Variants in SLC7A9 observed in about 807,000 individuals in gnomAD.
SLC7A9 encodes solute carrier family 7 member 9.
Under a neutral mutation model 54.1 loss-of-function variants are expected in SLC7A9, and 38 were observed. The ratio of observed to expected loss-of-function variants is 0.70; its 90% confidence interval spans 0.54 to 0.92. SLC7A9 has a LOEUF of 0.92. Among genes scored for constraint, SLC7A9 ranks in the 40% least tolerant of loss-of-function variants. The pLI is 0.00. For synonymous variants in SLC7A9, 264 were observed against 258.9 expected, an observed-to-expected ratio of 1.02 and a Z score of -0.19; for missense variants, 537 against 636.1, an observed-to-expected ratio of 0.84 and a Z score of 1.68.
Position 32,864,202 on chromosome 19 carries a change from G to A in SLC7A9, c.372C>T (p.Ser124=). 6.2e-7 allele frequency: 1 copy of A among 1,614,236 alleles called. No homozygotes were observed. Among genetic ancestry groups the A allele is most frequent in the East Asian group, 2.2e-5 (1 of 44,882 alleles). ...WASLIVIKPT[S]FAIICLSFSE... ...AGAAGCTGAGGCAGATGATGGCGAA[G>A]GACGTGGGCTTAATGACGATCAGGC... is the stretch of plus-strand genomic sequence containing the variant. The change falls in exon 4 of 13, where the codon TCC becomes TCT. Residue 124 remains serine (S), a synonymous_variant. Coordinates refer to ENST00000023064, the MANE Select transcript of SLC7A9 (RefSeq NM_014270.5).
chr19:32,834,206 C>G (rs143939628), intron 11 of SLC7A9, among the ~76,000 whole-genome samples: 1 of 152,318 alleles, frequency 6.6e-6, no homozygotes, highest in East Asian at 1.9e-4. Flanking sequence ...CTTCAAAAGC[C>G]TCTTTGTTTT....
chr19:32,836,677 G>A (rs1051876968), intron 11 of SLC7A9, among the ~76,000 whole-genome samples: 1 of 152,150 alleles, frequency 6.6e-6, no homozygotes, highest in South Asian at 2.1e-4. Flanking sequence ...GCTGCGTCCA[G>A]ATCTGTCTTG....
chr19:32,868,720 CCA>C, intron 1 of SLC7A9, 75 bp from the exon 2 acceptor site: 1 of 661,756 alleles, frequency 1.5e-6, no homozygotes, highest in Non-Finnish European at 2.8e-6. Context: ...GCGCTGGGCC[CCA>C]GAGTCAAAGT....
intron 9 of SLC7A9, among the ~76,000 whole-genome samples, chr19:32,852,280 C>T (rs1182557828): frequency 2.0e-5 from 3 of 151,930 alleles, no homozygotes; most frequent in Non-Finnish European, 4.4e-5. Context: ...TGCTTGAGGC[C>T]GGGAGTTTGA....
At position 32,833,002 on chromosome 19, in the gene SLC7A9, A is replaced by T. The variant is rs1967849863; in HGVS notation, c.1399+147T>A. 1.3e-5 allele frequency: 10 copies of T among 796,198 alleles called. No homozygotes were observed. In the South Asian group the frequency reaches 1.3e-4, roughly 10 times the overall value. The allele number at this position is 796,198 out of a possible 1,614,324, so 49.3% of individuals were successfully genotyped here. ...AGGGTGGACCCAGAGGTGTACAGTG[A>T]GGGCGTGGGCATGTGTCCTCCTGGG... On this transcript the variant is annotated intron_variant, in intron 12 of 12. Transcript: ENST00000023064.
intron 11 of SLC7A9, among the ~76,000 whole-genome samples, chr19:32,834,459 G>T (rs1484401706): frequency 6.6e-6 from 1 of 151,996 alleles, no homozygotes; most frequent in African/African-American, 2.4e-5. Flanking sequence ...GTGAAACCCC[G>T]TCTCTACTAA....
intron 11 of SLC7A9, among the ~76,000 whole-genome samples, chr19:32,838,436 A>G (rs1968026376): frequency 6.7e-6 from 1 of 149,122 alleles, no homozygotes; most frequent in African/African-American, 2.4e-5. Context: ...TATATTCTGT[A>G]TAATATATGT....
rs377500452 is a variant in SLC7A9, at chr19:32,864,644, C to G, written c.220G>C (p.Val74Leu). 1.9e-6 allele frequency: 3 copies of G among 1,613,726 alleles called. No individual in the cohort carries two copies. Among genetic ancestry groups the G allele is most frequent in the Non-Finnish European group, 2.5e-6 (3 of 1,180,014 alleles). ...GTCTCTTTACCCAGCGTCGCGAGGA[C>G]CCCGCAAGCCGCCCATATGATGAGG... is the stretch of plus-strand genomic sequence containing the variant. Reference protein sequence around the residue: ...PCLIIWAACGVLATLGALCFA... With the variant: ...PCLIIWAACGLLATLGALCFA... The change falls in exon 3 of 13, where the codon GTC (valine) becomes CTC (leucine). Residue 74 changes from valine to leucine, a missense_variant. Val to Leu is a conservative substitution (Grantham distance 32, BLOSUM62 1). Coordinates refer to ENST00000023064, the MANE Select transcript of SLC7A9 (RefSeq NM_014270.5).
rs1191768077 is a variant in SLC7A9, at chr19:32,868,113, C to T, written c.87+335G>A. 2.7e-5 allele frequency among the ~76,000 whole-genome samples: 4 copies of T among 150,880 alleles called. No homozygotes were observed. In the East Asian group the frequency reaches 7.8e-4, roughly 30 times the overall value. ...GGGTATGGTGGCGGGTGCTTGTAATCCCAGCTACTCGGGAGGCTGAGTCAG... is the reference window on the plus strand; with the variant it reads ...GGGTATGGTGGCGGGTGCTTGTAATTCCAGCTACTCGGGAGGCTGAGTCAG... On this transcript the variant is annotated intron_variant, in intron 2 of 12. Transcript: ENST00000023064.
intron 9 of SLC7A9, among the ~76,000 whole-genome samples, chr19:32,850,218 A>T (rs1187752914): frequency 2.0e-5 from 3 of 150,520 alleles, no homozygotes; most frequent in South Asian, 2.1e-4. Flanking sequence ...AAGATATTCA[A>T]TTAGGAAAAG....
chr19:32,833,474 T>C (rs1446035525), intron 11 of SLC7A9, 151 bp from the exon 12 acceptor site: 1 of 849,650 alleles, frequency 1.2e-6, no homozygotes, highest in African/African-American at 1.7e-5. Context: ...TTATTTCATC[T>C]ATACCTTTTA....
rs754802320 is a variant in SLC7A9 at position 32,860,647 on chromosome 19, A to AT, written c.707dup (p.Asn236LysfsTer11). On this transcript the variant is annotated frameshift_variant, in exon 7 of 13. Transcript: ENST00000023064. LOFTEE classifies it high-confidence loss of function. Reference sequence around the variant, plus strand: ...GTTCTTCTGTGATGTAATTGAGTTGATTCCTGGAAAAAGGAAAGTAACAAG... The same window carrying AT: ...GTTCTTCTGTGATGTAATTGAGTTGATTTCCTGGAAAAAGGAAAGTAACAAG... 6.2e-7 allele frequency: 1 copy of AT among 1,614,116 alleles called. No individual in the cohort carries two copies. The highest frequency in any genetic ancestry group is 1.1e-5 in the South Asian group (1 of 91,078).
In SLC7A9 at chr19:32,862,742, G is replaced by C. The variant is rs192954982; in HGVS notation, c.479-156C>G. 1,516 of 596,432 alleles carry C rather than the reference G, an allele frequency of 2.5e-3. 7 individuals are homozygous for C. The highest frequency in any genetic ancestry group is 3.6e-3 in the Admixed American group (89 of 24,542). The allele number at this position is 596,432 out of a possible 1,614,324, so 36.9% of individuals were successfully genotyped here. A position where few individuals can be genotyped will look rare whatever the true frequency, so the allele number is the denominator to read the frequency against. On this transcript the variant is annotated intron_variant, in intron 4 of 12. Transcript: ENST00000023064. ...GAGCAGTGGCATGATCTCAGCTCACGATCTCAGCAATCTTTGCCTCCCCGG... is the reference window on the plus strand; with the variant it reads ...GAGCAGTGGCATGATCTCAGCTCACCATCTCAGCAATCTTTGCCTCCCCGG...
intron 9 of SLC7A9, among the ~76,000 whole-genome samples, chr19:32,857,680 G>A (rs1225044613): frequency 3.3e-5 from 5 of 152,192 alleles, no homozygotes; most frequent in Middle Eastern, 6.8e-3. Context: ...ACACGTGTTC[G>A]AGGATGTTCA....
At chr19:32,831,170 C>A in intron 12 of SLC7A9, 1 of 147,472 alleles carries the variant, frequency 6.8e-6, no homozygotes, top group Non-Finnish European at 1.5e-5. Context: ...CTGGCTAACA[C>A]AGTGAAACCC....
intron 12 of SLC7A9, among the ~76,000 whole-genome samples, chr19:32,831,908 G>A (rs1268183114): frequency 6.6e-6 from 1 of 152,244 alleles, no homozygotes; most frequent in Non-Finnish European, 1.5e-5. Flanking sequence ...GTGGGAATAT[G>A]CCTAATGCTA....
chr19:32,834,329 T>G (rs1209489422), intron 11 of SLC7A9, among the ~76,000 whole-genome samples: 1 of 152,164 alleles, frequency 6.6e-6, no homozygotes, highest in Non-Finnish European at 1.5e-5. Context: ...GAAATGGCAT[T>G]TAAAGACCAT....
chr19:32,863,915 C>T (rs1007034437), intron 4 of SLC7A9, among the ~76,000 whole-genome samples, 181 bp downstream of exon 4: 1 of 152,218 alleles, frequency 6.6e-6, no homozygotes, highest in Admixed American at 6.5e-5. Context: ...GCACCCCTCC[C>T]TGCAGCCCCC....
At chr19:32,859,762 C>A (rs1264799397) in intron 8 of SLC7A9, 79 bp downstream of exon 8, 2 of 1,193,860 alleles carry the variant, frequency 1.7e-6, no homozygotes, top group Non-Finnish European at 2.5e-6. Flanking sequence ...TGGGAGGGAG[C>A]TCACCTCCAG....
Sources: allele counts gnomAD v4.1 joint callset (sites outside exome capture counted in the v4.1 genomes callset), GRCh38; gene constraint gnomAD v4.1.1; transcripts MANE v1.5; gene names NCBI Gene and HGNC (gene_info 2026-07-23, HGNC 2026-07-21).